CDH23: variants seen among roughly 807,000 people sequenced by gnomAD.
The protein encoded by CDH23 is cadherin related 23, also known as cadherin-23.
Under a neutral mutation model 317.1 loss-of-function variants are expected in CDH23, and 189 were observed. That is an observed-to-expected ratio of 0.60 (90% CI 0.53 to 0.67). The LOEUF is 0.67. Among genes scored for constraint, CDH23 ranks in the 30% least tolerant of loss-of-function variants. The pLI is 0.00. For synonymous variants in CDH23, 1,839 were observed against 1,876.8 expected (o/e 0.98, Z 0.52); for missense variants, 4,401 against 4,592.4 (o/e 0.96, Z 1.20).
intron 3 of CDH23, among the ~76,000 whole-genome samples, chr10:71,466,198 C>T (rs56836689): frequency 0.011 from 1,668 of 152,194 alleles, 30 homozygotes; most frequent in African/African-American, 0.037. Context: ...TGTGCATGTG[C>T]ACACGTGTGT....
chr10:71,787,912 G>A (rs996830033), intron 44 of CDH23, among the ~76,000 whole-genome samples: 3 of 152,172 alleles, frequency 2.0e-5, no homozygotes, highest in Non-Finnish European at 4.4e-5. Flanking sequence ...CCAGTAGAGG[G>A]GTATTGTGGG....
intron 38 of CDH23, among the ~76,000 whole-genome samples, chr10:71,765,854 AGGAGAG>A (rs1436679743): frequency 6.6e-6 from 1 of 152,134 alleles, no homozygotes; most frequent in Non-Finnish European, 1.5e-5. Context: ...AGGGCCAGAC[AGGAGAG>A]GGTCCAGGAC....
intron 1 of CDH23, among the ~76,000 whole-genome samples, chr10:71,421,482 G>A (rs763215667): frequency 1.1e-4 from 16 of 152,272 alleles, no homozygotes; most frequent in Non-Finnish European, 1.6e-4. Flanking sequence ...ACAATATTTC[G>A]GAGAGCGTCG....
At chr10:71,548,333 C>A (rs1856400513) in intron 6 of CDH23, among the ~76,000 whole-genome samples, 1 of 152,094 alleles carries the variant, frequency 6.6e-6, no homozygotes, top group African/African-American at 2.4e-5. Flanking sequence ...AGCTCCTAAT[C>A]CAGTGGCCTC....
chr10:71,769,313 C>T (rs1005513739), intron 38 of CDH23, among the ~76,000 whole-genome samples: 9 of 152,122 alleles, frequency 5.9e-5, no homozygotes, highest in African/African-American at 1.4e-4. Context: ...TCCGAGCCTT[C>T]CCAGGCTAAA....
At chr10:71,480,514 T>C (rs1300255807) in intron 3 of CDH23, among the ~76,000 whole-genome samples, 2 of 152,178 alleles carry the variant, frequency 1.3e-5, no homozygotes, top group Non-Finnish European at 2.9e-5. Flanking sequence ...GGCATTGAGG[T>C]GGCTGCTGCA....
At chr10:71,807,151 CCCCATAAGG>C in intron 57 of CDH23, 117 bp from the exon 58 acceptor site, 2 of 1,195,454 alleles carry the variant, frequency 1.7e-6, no homozygotes, top group Non-Finnish European at 2.3e-6. Flanking sequence ...GTTCTACTCA[CCCCATAAGG>C]CCTGGACAGT....
At chr10:71,445,684 CA>C (rs201767424) in intron 2 of CDH23, among the ~76,000 whole-genome samples, 1 of 151,472 alleles carries the variant, frequency 6.6e-6, no homozygotes, top group African/African-American at 2.4e-5. Context: ...TGCATCTATA[CA>C]AAAAAAATAA....
Position 71,677,992 on chromosome 10 carries a change from C to T in CDH23, c.1752+299C>T, listed in dbSNP as rs574030852. Among the ~76,000 whole-genome samples, 7 of 152,258 alleles carry T rather than the reference C, an allele frequency of 4.6e-5. No individual in the cohort carries two copies. The South Asian group carries it at 8.3e-4, about 18-fold the overall frequency. On this transcript the variant is annotated intron_variant, in intron 16 of 69. Coordinates refer to ENST00000224721, the MANE Select transcript of CDH23 (RefSeq NM_022124.6). ...CTGCAAGAGGGGCTGACCTTCTATC[C>T]GCAAAGAATACTGCACAGATTTCAG...
intron 45 of CDH23, 125 bp downstream of exon 45, chr10:71,789,167 G>A (rs1841178784): frequency 1.6e-6 from 1 of 609,010 alleles, no homozygotes; most frequent in African/African-American, 1.8e-5. Context: ...TGCGGGAGGG[G>A]AAGGATGGGT....
Position 71,791,331 on chromosome 10 carries a change from G to T in CDH23, c.6249G>T (p.Pro2083=), listed in dbSNP as rs55964031. 1.1e-5 allele frequency: 18 copies of T among 1,612,882 alleles called. No individual in the cohort carries two copies. The highest frequency in any genetic ancestry group is 3.3e-5 in the South Asian group (3 of 90,776). Residue 2083 remains proline (P), a synonymous_variant, in exon 47 of 70, where the codon CCG becomes CCT. Transcript: ENST00000224721. ...TLTVHLLENC[P]PGFSVLQVTA... is the part of the protein sequence containing the mutation. Reference sequence around the variant, plus strand: ...CTGTCCATCTGCTAGAGAACTGCCCGCCTGGTAAGCAGGGGACAGGCCCCA... The same window carrying T: ...CTGTCCATCTGCTAGAGAACTGCCCTCCTGGTAAGCAGGGGACAGGCCCCA...
chr10:71,638,789 G>A (rs74145230), intron 11 of CDH23, among the ~76,000 whole-genome samples: 1 of 152,342 alleles, frequency 6.6e-6, no homozygotes, highest in African/African-American at 2.4e-5. Context: ...GACAGACTCA[G>A]GTCGGCTGGC....
intron 6 of CDH23, among the ~76,000 whole-genome samples, chr10:71,557,805 C>A (rs1856942629): frequency 6.6e-6 from 1 of 152,130 alleles, no homozygotes; most frequent in African/African-American, 2.4e-5. Context: ...TGTTTTCTCT[C>A]TGAAAGTCTC....
At chr10:71,814,845 G>C in intron 69 of CDH23, 107 bp from the exon 70 acceptor site, 2 of 1,302,226 alleles carry the variant, frequency 1.5e-6, no homozygotes, top group Non-Finnish European at 2.1e-6. Context: ...GGCCTGCTGC[G>C]GTAGGAGCCC....
intron 9 of CDH23, among the ~76,000 whole-genome samples, chr10:71,589,569 C>A (rs1050076917): frequency 3.3e-5 from 5 of 152,210 alleles, no homozygotes; most frequent in African/African-American, 1.2e-4. Context: ...ACAAATAATT[C>A]ATCATGGGTG....
chr10:71,671,147 A>G (rs1262062489), intron 14 of CDH23, among the ~76,000 whole-genome samples: 1 of 152,008 alleles, frequency 6.6e-6, no homozygotes, highest in East Asian at 1.9e-4. Context: ...TTTAATAGAG[A>G]TGGGGTTTCA....
At chr10:71,555,966 G>A (rs573272190) in intron 6 of CDH23, among the ~76,000 whole-genome samples, 1 of 152,326 alleles carries the variant, frequency 6.6e-6, no homozygotes, top group South Asian at 2.1e-4. Context: ...TAAGAAGGGA[G>A]GGAGTGTCAG....
At chr10:71,810,111 G>T (rs1483004532) in intron 61 of CDH23, 35 bp downstream of exon 61, 1 of 1,605,582 alleles carries the variant, frequency 6.2e-7, no homozygotes, top group Non-Finnish European at 8.5e-7. Context: ...CGGGGCAGTG[G>T]AGGGAGAAGG....
At chr10:71,678,043 C>T (rs1407611978) in intron 16 of CDH23, among the ~76,000 whole-genome samples, 1 of 152,210 alleles carries the variant, frequency 6.6e-6, no homozygotes, top group East Asian at 1.9e-4. Context: ...CTGTGTTGGG[C>T]CTTCTCTGAG....
Sources: gnomAD v4.1 joint callset for allele counts (sites outside exome capture counted in the v4.1 genomes callset) on GRCh38, gnomAD v4.1.1 for gene constraint, MANE v1.5 for transcripts, NCBI Gene and HGNC (gene_info 2026-07-23, HGNC 2026-07-21) for gene names.